CEP126: variants seen among roughly 807,000 people sequenced by gnomAD.
CEP126 encodes centrosomal protein of 126 kDa.
Under a neutral mutation model 107.8 loss-of-function variants are expected in CEP126, and 74 were observed. The ratio of observed to expected loss-of-function variants is 0.69; its 90% CI spans 0.57 to 0.83. The LOEUF (loss-of-function observed/expected upper bound fraction) is 0.83. CEP126 is among the 40% of genes least tolerant of loss of function. The pLI is 0.00. For synonymous variants in CEP126, 449 were observed against 446.0 expected (o/e 1.01, Z -0.08); for missense variants, 1,237 against 1,281.9 (o/e 0.96, Z 0.53).
chr11:101,987,687 A>AT (rs1179635062), intron 9 of CEP126, among the ~76,000 whole-genome samples: 7 of 151,444 alleles, frequency 4.6e-5, no homozygotes, highest in Non-Finnish European at 1.0e-4. Context: ...AAAGGCTTGC[A>AT]TTTTTTAAAC....
chr11:101,948,224 C>A, intron 4 of CEP126, 82 bp downstream of exon 4: 1 of 714,818 alleles, frequency 1.4e-6, no homozygotes, highest in Non-Finnish European at 2.4e-6. Context: ...GCTTTTTCAT[C>A]AGCTACTCCT....
intron 1 of CEP126, among the ~76,000 whole-genome samples, chr11:101,916,881 G>A (rs1220740316): frequency 6.6e-6 from 1 of 151,968 alleles, no homozygotes; most frequent in Non-Finnish European, 1.5e-5. Flanking sequence ...CAACCAAATA[G>A]ACTCTATTCC....
intron 7 of CEP126, among the ~76,000 whole-genome samples, chr11:101,978,854 C>T (rs1203127922): frequency 2.0e-5 from 3 of 152,098 alleles, no homozygotes; most frequent in Non-Finnish European, 4.4e-5. Context: ...CTAGGCCAGG[C>T]GCGGTGGCTC....
At chr11:101,976,040 A>G (rs912830821) in intron 6 of CEP126, among the ~76,000 whole-genome samples, 3 of 152,328 alleles carry the variant, frequency 2.0e-5, no homozygotes, top group Admixed American at 2.0e-4. Flanking sequence ...TGCAATAAGC[A>G]TACACATGCA....
intron 6 of CEP126, among the ~76,000 whole-genome samples, chr11:101,964,875 T>C (rs1419315027): frequency 6.6e-6 from 1 of 152,212 alleles, no homozygotes; most frequent in Non-Finnish European, 1.5e-5. Context: ...AAAAATATTG[T>C]TTAAATTATT....
Position 102,000,794 on chromosome 11 carries a change from T to C in CEP126, c.*3151T>C, listed in dbSNP as rs1033161492. 2.0e-5 allele frequency: 3 copies of C among 152,108 alleles called. No individual in the cohort carries two copies. The highest frequency in any genetic ancestry group is 7.2e-5 in the African/African-American group (3 of 41,422). 9.4% of individuals were successfully genotyped at this position (152,108 alleles called of 1,614,324 possible). A position where few individuals can be genotyped will look rare whatever the true frequency, so the allele number is the denominator to read the frequency against. ...CATTTCCGAGAGGCAGGGCAACTAA[T>C]AACTGGTCAGAAAAATTTAGACGGT... On this transcript the variant is annotated 3_prime_UTR_variant, in exon 11 of 11. Transcript: ENST00000263468.
intron 10 of CEP126, among the ~76,000 whole-genome samples, chr11:101,997,116 C>T (rs1022565507): frequency 2.0e-5 from 3 of 152,194 alleles, no homozygotes; most frequent in Non-Finnish European, 4.4e-5. Flanking sequence ...CAGCTTACTG[C>T]AACCTCCGCC....
rs759053600 is a variant in CEP126, at chr11:101,997,627, G to A, written c.3338G>A (p.Cys1113Tyr). Reference sequence around the variant, plus strand: ...AAGAGAGAAGATAGAACCAGCAGCTGCAGAGACAAGAGATAATTCCAGCAG... The same window carrying A: ...AAGAGAGAAGATAGAACCAGCAGCTACAGAGACAAGAGATAATTCCAGCAG... Reference protein sequence around the residue: ...LEKREDRTSSCRDKR With the variant: ...LEKREDRTSSYRDKR The change falls in exon 11 of 11, where the codon TGC (cysteine) becomes TAC (tyrosine). Residue 1113 changes from cysteine to tyrosine, a missense_variant. By Grantham distance (194) the Cys-to-Tyr change is radical. Coordinates refer to ENST00000263468, the MANE Select transcript of CEP126 (RefSeq NM_020802.4). 6.2e-7 allele frequency: 1 copy of A among 1,613,838 alleles called. No individual in the cohort carries two copies. The highest frequency in any genetic ancestry group is 8.5e-7 in the Non-Finnish European group (1 of 1,179,838).
At chr11:101,928,912 C>CA (rs1940450165) in intron 2 of CEP126, among the ~76,000 whole-genome samples, 1 of 152,080 alleles carries the variant, frequency 6.6e-6, no homozygotes, top group Non-Finnish European at 1.5e-5. Context: ...TCTAAACCTG[C>CA]AAAAATTATT....
chr11:101,950,207 C>A (rs1004873524), intron 4 of CEP126, among the ~76,000 whole-genome samples: 1 of 151,852 alleles, frequency 6.6e-6, no homozygotes, highest in Admixed American at 6.6e-5. Flanking sequence ...GTGGTGGGGG[C>A]AGAAAATAAA....
intron 2 of CEP126, among the ~76,000 whole-genome samples, chr11:101,937,097 A>G (rs952690872): frequency 3.0e-4 from 46 of 152,180 alleles, no homozygotes; most frequent in African/African-American, 1.1e-3. Context: ...CACCTTATAC[A>G]CATAGCCTAA....
intron 1 of CEP126, among the ~76,000 whole-genome samples, chr11:101,919,857 A>G (rs1474386129): frequency 6.6e-6 from 1 of 151,792 alleles, no homozygotes; most frequent in East Asian, 1.9e-4. Flanking sequence ...CCTCCCCTCA[A>G]CCTCATGTTG....
intron 2 of CEP126, among the ~76,000 whole-genome samples, chr11:101,928,935 A>T (rs2137083570): frequency 6.6e-6 from 1 of 152,328 alleles, no homozygotes; most frequent in East Asian, 1.9e-4. Context: ...TGAGAGTTTC[A>T]TAGGAATTGC....
chr11:101,998,990 G>T lies in CEP126; in HGVS notation c.*1347G>T, dbSNP rs976775931. ...GATGAAATGAGGAAAAACAGGAAAAGAATTCACTTTTTAAATGAAGAAATT... is the reference window on the plus strand; with the variant it reads ...GATGAAATGAGGAAAAACAGGAAAATAATTCACTTTTTAAATGAAGAAATT... On this transcript the variant is annotated 3_prime_UTR_variant, in exon 11 of 11. Coordinates refer to ENST00000263468, the MANE Select transcript of CEP126 (RefSeq NM_020802.4). The T allele has an allele frequency of 6.6e-6, 1 of 152,082 alleles. No homozygotes were observed. The highest frequency in any genetic ancestry group is 1.5e-5 in the Non-Finnish European group (1 of 68,022). 9.4% of individuals were successfully genotyped at this position (152,082 alleles called of 1,614,324 possible). A position where few individuals can be genotyped will look rare whatever the true frequency, so the allele number is the denominator to read the frequency against.
chr11:101,964,749 T>A (rs1329442802), intron 6 of CEP126, among the ~76,000 whole-genome samples: 1 of 152,222 alleles, frequency 6.6e-6, no homozygotes, highest in Non-Finnish European at 1.5e-5. Context: ...TCCATTTTTT[T>A]CCATGACTTT....
At chr11:101,981,616 C>CA (rs749904749) in intron 7 of CEP126, among the ~76,000 whole-genome samples, 58 of 152,052 alleles carry the variant, frequency 3.8e-4, no homozygotes, top group Non-Finnish European at 7.1e-4. Flanking sequence ...GATTACCATC[C>CA]AACTCACTTT....
intron 2 of CEP126, among the ~76,000 whole-genome samples, chr11:101,935,502 T>C (rs1940564503): frequency 6.6e-6 from 1 of 152,110 alleles, no homozygotes; most frequent in Non-Finnish European, 1.5e-5. Flanking sequence ...TCAAATTATA[T>C]GTGTGTGGTA....
rs570367372 is a variant in CEP126, at chr11:101,974,151, C to T, written c.2846-4196C>T. ...CTCTTCTTTGTTAAACACACACACA[C>T]ACACAAAGCAAAAAAGGTTTACCAT... is the stretch of plus-strand genomic sequence containing the variant. On this transcript the variant is annotated intron_variant, in intron 6 of 10. Coordinates refer to ENST00000263468, the MANE Select transcript of CEP126 (RefSeq NM_020802.4). 4.6e-5 allele frequency among the ~76,000 whole-genome samples: 6 copies of T among 131,156 alleles called. No homozygotes were observed. In the South Asian group the frequency reaches 1.4e-3, roughly 30 times the overall value. The allele number at this position is 131,156 out of a possible 152,430, so 86.0% of individuals were successfully genotyped here. A position where few individuals can be genotyped will look rare whatever the true frequency, so the allele number is the denominator to read the frequency against.
At position 102,000,754 on chromosome 11, in the gene CEP126, A is replaced by G. The variant is rs1242099468; in HGVS notation, c.*3111A>G. ...GGGCAAAAGGTATCAAATAATTGAAAGAAAAGTTTAAACACATTTCCGAGA... is the reference window on the plus strand; with the variant it reads ...GGGCAAAAGGTATCAAATAATTGAAGGAAAAGTTTAAACACATTTCCGAGA... On this transcript the variant is annotated 3_prime_UTR_variant, in exon 11 of 11. Coordinates refer to ENST00000263468, the MANE Select transcript of CEP126 (RefSeq NM_020802.4). The G allele has an allele frequency of 6.6e-6, 1 of 152,228 alleles. No homozygotes were observed. Among genetic ancestry groups the G allele is most frequent in the African/African-American group, 2.4e-5 (1 of 41,464 alleles). The allele number at this position is 152,228 out of a possible 1,614,324, so 9.4% of individuals were successfully genotyped here.
Sources: allele counts gnomAD v4.1 joint callset (sites outside exome capture counted in the v4.1 genomes callset), GRCh38; gene constraint gnomAD v4.1.1; transcripts MANE v1.5; gene names NCBI Gene and HGNC (gene_info 2026-07-23, HGNC 2026-07-21).